NETO1: variants seen among roughly 807,000 people sequenced by gnomAD.
NETO1 encodes neuropilin and tolloid-like protein 1.
In NETO1, 26 loss-of-function variants were observed where a neutral mutation model predicts 61.3. That is an observed-to-expected ratio of 0.42 (90% CI 0.31 to 0.59). The LOEUF is 0.59. Ranked by LOEUF, NETO1 falls within the 20% of genes least tolerant of loss-of-function variation. NETO1 has a pLI of 0.12. For synonymous variants in NETO1, 225 were observed against 225.8 expected (o/e 1.00, Z 0.03); for missense variants, 531 against 662.8 (o/e 0.80, Z 2.18).
At chr18:72,850,585 T>C (rs1325463099) in intron 4 of NETO1, among the ~76,000 whole-genome samples, 2 of 152,226 alleles carry the variant, frequency 1.3e-5, no homozygotes, top group Admixed American at 1.3e-4. Flanking sequence ...CTTTAGTAAT[T>C]TGAAAAGCAT....
intron 4 of NETO1, among the ~76,000 whole-genome samples, chr18:72,825,917 T>G (rs955227256): frequency 5.9e-5 from 9 of 152,322 alleles, no homozygotes; most frequent in Non-Finnish European, 1.3e-4. Flanking sequence ...TGAGATTTTC[T>G]TTGTGACATA....
At chr18:72,774,471 T>C (rs1464817263) in intron 7 of NETO1, among the ~76,000 whole-genome samples, 1 of 152,168 alleles carries the variant, frequency 6.6e-6, no homozygotes, top group Non-Finnish European at 1.5e-5. Flanking sequence ...TTAGTAATTC[T>C]TTAGAGTCAA....
intron 4 of NETO1, among the ~76,000 whole-genome samples, chr18:72,851,877 C>A (rs926101888): frequency 6.6e-6 from 1 of 152,134 alleles, no homozygotes; most frequent in Non-Finnish European, 1.5e-5. Flanking sequence ...TGTATCAGCA[C>A]CGTGCTTATA....
Position 72,743,799 on chromosome 18 carries a change from A to C in NETO1, c.*4380T>G, listed in dbSNP as rs1292377540. ...ATGTTTTATTTTAAATAATTTATAC[A>C]TTGTTTTCTGGTCATTTTTAAGTTT... On this transcript the variant is annotated 3_prime_UTR_variant, in exon 11 of 11. Transcript: ENST00000327305. 6.6e-6 allele frequency: 1 copy of C among 152,188 alleles called. No individual in the cohort carries two copies. The highest frequency in any genetic ancestry group is 2.4e-5 in the African/African-American group (1 of 41,446). The allele number at this position is 152,188 out of a possible 1,614,324, so 9.4% of individuals were successfully genotyped here.
rs935890099 is a variant in NETO1 at position 72,867,396 on chromosome 18, A to C, written c.-105T>G. 1.3e-4 allele frequency: 112 copies of C among 842,432 alleles called. No homozygotes were observed. Among genetic ancestry groups the C allele is most frequent in the Non-Finnish European group, 1.8e-4 (106 of 576,180 alleles). The allele number at this position is 842,432 out of a possible 1,614,324, so 52.2% of individuals were successfully genotyped here. A position where few individuals can be genotyped will look rare whatever the true frequency, so the allele number is the denominator to read the frequency against. On this transcript the variant is annotated 5_prime_UTR_variant, in exon 1 of 11. Coordinates refer to ENST00000327305, the MANE Select transcript of NETO1 (RefSeq NM_138966.5). ...CAGGGTCGAGAGGTGTTAAAGACGC[A>C]AAGCAAGAAGGAAATAAAGGGGGGC...
At position 72,777,352 on chromosome 18, in the gene NETO1, G is replaced by T. The variant is rs576321221; in HGVS notation, c.868+6326C>A. On this transcript the variant is annotated intron_variant, in intron 7 of 10. Transcript: ENST00000327305. ...AGAATAGCTTGAACCCGGGAGGGGGGAGGTTGCAGGGAGCTGAGATCGCAC... is the reference window on the plus strand; with the variant it reads ...AGAATAGCTTGAACCCGGGAGGGGGTAGGTTGCAGGGAGCTGAGATCGCAC... Among the ~76,000 whole-genome samples, 12 of 150,482 alleles carry T rather than the reference G, an allele frequency of 8.0e-5. No individual in the cohort carries two copies. The South Asian group carries it at 2.3e-3, about 29-fold the overall frequency.
intron 6 of NETO1, among the ~76,000 whole-genome samples, chr18:72,784,781 CCAAATACAAGT>C (rs1182172173): frequency 6.6e-6 from 1 of 152,208 alleles, no homozygotes; most frequent in East Asian, 1.9e-4. Context: ...ATTCATTCAA[CCAAATACAAGT>C]CTATAAAGAA....
At chr18:72,802,448 G>C (rs184015848) in intron 4 of NETO1, among the ~76,000 whole-genome samples, 16 of 152,328 alleles carry the variant, frequency 1.1e-4, no homozygotes, top group Non-Finnish European at 1.8e-4. Context: ...TTAATGCCAT[G>C]TCTGGAGAAT....
chr18:72,846,996 T>C (rs930249525), intron 4 of NETO1, among the ~76,000 whole-genome samples: 9 of 152,388 alleles, frequency 5.9e-5, no homozygotes, highest in South Asian at 2.1e-4. Flanking sequence ...AGTTGGAGAA[T>C]GTTTTAAGGT....
chr18:72,783,000 A>G (rs1263514577), intron 7 of NETO1, among the ~76,000 whole-genome samples: 1 of 152,138 alleles, frequency 6.6e-6, no homozygotes, highest in African/African-American at 2.4e-5. Flanking sequence ...TATTTCTTAA[A>G]TTTCTCAGAA....
chr18:72,785,584 A>C (rs944224258), intron 6 of NETO1, among the ~76,000 whole-genome samples: 14 of 152,198 alleles, frequency 9.2e-5, no homozygotes, highest in African/African-American at 3.4e-4. Flanking sequence ...ACATGTGCAC[A>C]ATGTGCAGGT....
intron 1 of NETO1, chr18:72,866,976 C>A (rs979851241): frequency 2.4e-6 from 1 of 411,782 alleles, no homozygotes; most frequent in Non-Finnish European, 4.2e-6. Flanking sequence ...CTCTGCCGCA[C>A]GTGTCCATCC....
chr18:72,808,310 A>G lies in NETO1; in HGVS notation c.470-13906T>C, dbSNP rs565035536. ...AGAACTACATGAGTGTCTAGGAATAACGAAGTGCAGTCTTTGGGACCCAGG... is the reference window on the plus strand; with the variant it reads ...AGAACTACATGAGTGTCTAGGAATAGCGAAGTGCAGTCTTTGGGACCCAGG... On this transcript the variant is annotated intron_variant, in intron 4 of 10. Coordinates refer to ENST00000327305, the MANE Select transcript of NETO1 (RefSeq NM_138966.5). 2.6e-5 allele frequency among the ~76,000 whole-genome samples: 4 copies of G among 152,282 alleles called. No individual in the cohort carries two copies. The South Asian group carries it at 8.3e-4, about 32-fold the overall frequency.
chr18:72,809,457 T>C (rs571542347), intron 4 of NETO1, among the ~76,000 whole-genome samples: 5 of 152,224 alleles, frequency 3.3e-5, no homozygotes, highest in African/African-American at 9.6e-5. Flanking sequence ...GGGTAAAAAA[T>C]ATCAACCAGG....
chr18:72,836,196 G>C (rs1355080271), intron 4 of NETO1, among the ~76,000 whole-genome samples: 1 of 152,090 alleles, frequency 6.6e-6, no homozygotes, highest in Non-Finnish European at 1.5e-5. Flanking sequence ...CAAAAATTTT[G>C]CACAGGCTGT....
intron 9 of NETO1, among the ~76,000 whole-genome samples, chr18:72,749,333 G>A (rs1010226545): frequency 1.3e-5 from 2 of 152,034 alleles, no homozygotes; most frequent in Non-Finnish European, 2.9e-5. Flanking sequence ...AGTATAAGTT[G>A]ACAAGATTTT....
At chr18:72,838,217 T>A (rs2073817396) in intron 4 of NETO1, among the ~76,000 whole-genome samples, 1 of 152,232 alleles carries the variant, frequency 6.6e-6, no homozygotes, top group African/African-American at 2.4e-5. Context: ...AGAAAAAGTT[T>A]GTACCTTTAG....
At chr18:72,851,541 C>T (rs1037092314) in intron 4 of NETO1, among the ~76,000 whole-genome samples, 1 of 152,150 alleles carries the variant, frequency 6.6e-6, no homozygotes, top group Admixed American at 6.5e-5. Flanking sequence ...ACGGTACACA[C>T]AGAAGACTAT....
intron 8 of NETO1, among the ~76,000 whole-genome samples, chr18:72,754,796 TG>T (rs2070733498): frequency 6.6e-6 from 1 of 152,194 alleles, no homozygotes; most frequent in Admixed American, 6.5e-5. Flanking sequence ...ACAGAAGACT[TG>T]AACAATGCTT....
Sources: gnomAD v4.1 joint callset for allele counts (sites outside exome capture counted in the v4.1 genomes callset) on GRCh38, gnomAD v4.1.1 for gene constraint, MANE v1.5 for transcripts, NCBI Gene and HGNC (gene_info 2026-07-23, HGNC 2026-07-21) for gene names.